ESRRG: variants seen among roughly 807,000 people sequenced by gnomAD.
ESRRG encodes the protein estrogen-related receptor gamma.
Under a neutral mutation model 44.0 loss-of-function variants are expected in ESRRG, and 13 were observed. That is an observed-to-expected ratio of 0.30 (90% CI 0.19 to 0.47). The LOEUF is 0.47. ESRRG is among the 20% of genes least tolerant of loss of function. ESRRG has a pLI of 1.00. For synonymous variants in ESRRG, 215 were observed against 214.6 expected (o/e 1.00, Z -0.02); for missense variants, 395 against 580.6 (o/e 0.68, Z 3.29).
chr1:216,903,526 G>A (rs1331168708), intron 2 of ESRRG, among the ~76,000 whole-genome samples: 1 of 151,922 alleles, frequency 6.6e-6, no homozygotes, highest in Non-Finnish European at 1.5e-5. Context: ...GTTAGAATCT[G>A]ATTGCTCAGC....
chr1:216,715,835 G>A (rs1029746225), intron 1 of ESRRG, among the ~76,000 whole-genome samples: 1 of 151,628 alleles, frequency 6.6e-6, no homozygotes, highest in African/African-American at 2.4e-5. Flanking sequence ...TGAATCCTTT[G>A]TTCAAATTCT....
At chr1:216,872,052 T>C (rs2096266572) in intron 2 of ESRRG, among the ~76,000 whole-genome samples, 1 of 152,160 alleles carries the variant, frequency 6.6e-6, no homozygotes, top group African/African-American at 2.4e-5. Context: ...TTCACCTTCA[T>C]TTCTCAGCAG....
chr1:217,049,056 G>C (rs1306093724), intron 1 of ESRRG, among the ~76,000 whole-genome samples: 1 of 152,030 alleles, frequency 6.6e-6, no homozygotes. Flanking sequence ...TGTCACTCCA[G>C]GGCCCTGGTC....
At chr1:216,826,368 C>T (rs1175863197) in intron 2 of ESRRG, among the ~76,000 whole-genome samples, 8 of 152,072 alleles carry the variant, frequency 5.3e-5, no homozygotes, top group Non-Finnish European at 1.2e-4. Flanking sequence ...ATAATGAGAG[C>T]TGGTACACCT....
At chr1:216,636,191 A>C (rs1051831831) in intron 3 of ESRRG, among the ~76,000 whole-genome samples, 1 of 152,336 alleles carries the variant, frequency 6.6e-6, no homozygotes, top group Admixed American at 6.5e-5. Flanking sequence ...CTAGTATGCT[A>C]TGTGGAATAA....
chr1:216,894,985 T>G (rs1295233783), intron 2 of ESRRG, among the ~76,000 whole-genome samples: 2 of 152,224 alleles, frequency 1.3e-5, no homozygotes, highest in African/African-American at 4.8e-5. Context: ...GTATCTCCAT[T>G]ATAATTCCCT....
chr1:216,712,652 T>A (rs571563670), intron 1 of ESRRG, among the ~76,000 whole-genome samples: 264 of 152,320 alleles, frequency 1.7e-3, no homozygotes, highest in Non-Finnish European at 2.8e-3. Context: ...ATTATAGTGC[T>A]TTCCTCGGGC....
chr1:216,753,081 T>C (rs1225753839), intron 2 of ESRRG, among the ~76,000 whole-genome samples: 1 of 152,004 alleles, frequency 6.6e-6, no homozygotes, highest in African/African-American at 2.4e-5. Context: ...GGAAATAATA[T>C]GTGTGGCTTT....
intron 2 of ESRRG, among the ~76,000 whole-genome samples, chr1:216,669,116 A>G (rs1244372852): frequency 2.0e-5 from 3 of 152,202 alleles, no homozygotes; most frequent in Non-Finnish European, 2.9e-5. Flanking sequence ...AAAAAAACAA[A>G]ACAAAGAGTA....
intron 1 of ESRRG, among the ~76,000 whole-genome samples, chr1:216,986,566 A>G (rs1307820193): frequency 3.3e-5 from 5 of 151,838 alleles, no homozygotes; most frequent in Admixed American, 3.3e-4. Flanking sequence ...AATAATAATA[A>G]TAATACAAAA....
At chr1:216,607,691 A>C (rs2150253362) in intron 3 of ESRRG, among the ~76,000 whole-genome samples, 2 of 152,302 alleles carry the variant, frequency 1.3e-5, no homozygotes. Context: ...CTGAGACCAC[A>C]ACTATTTTAT....
chr1:217,130,267 A>G (rs2092946619), intron 1 of ESRRG, among the ~76,000 whole-genome samples: 1 of 152,138 alleles, frequency 6.6e-6, no homozygotes, highest in African/African-American at 2.4e-5. Context: ...GGGTCTCACT[A>G]TGTTGTGCAG....
At chr1:216,817,151 T>C (rs2148551265) in intron 2 of ESRRG, among the ~76,000 whole-genome samples, 1 of 151,982 alleles carries the variant, frequency 6.6e-6, no homozygotes, top group South Asian at 2.1e-4. Context: ...TAAACACACA[T>C]TCAAATAATG....
intron 2 of ESRRG, among the ~76,000 whole-genome samples, chr1:216,798,527 A>T (rs1426408535): frequency 6.6e-6 from 1 of 152,168 alleles, no homozygotes; most frequent in African/African-American, 2.4e-5. Context: ...AAATCCTGCA[A>T]GCTACTTATG....
At chr1:216,638,553 C>T (rs1498291) in intron 3 of ESRRG, among the ~76,000 whole-genome samples, 3,700 of 152,290 alleles carry the variant, frequency 0.024, 139 homozygotes, top group African/African-American at 0.084. Flanking sequence ...TCTTTATGCT[C>T]TATTTCCCTC....
chr1:216,622,515 C>T (rs2062412154), intron 3 of ESRRG, among the ~76,000 whole-genome samples: 1 of 151,964 alleles, frequency 6.6e-6, no homozygotes, highest in African/African-American at 2.4e-5. Context: ...TTAGAATGGC[C>T]TACACGTTGT....
intron 3 of ESRRG, among the ~76,000 whole-genome samples, chr1:216,606,133 C>A (rs1444016062): frequency 6.6e-6 from 1 of 152,134 alleles, no homozygotes; most frequent in East Asian, 1.9e-4. Flanking sequence ...TCACTGCCCA[C>A]CCCCAACCCC....
chr1:217,115,802 A>T (rs1381328534), intron 1 of ESRRG, among the ~76,000 whole-genome samples: 2 of 152,020 alleles, frequency 1.3e-5, no homozygotes, highest in African/African-American at 4.8e-5. Flanking sequence ...CTTCTTGTCG[A>T]TCTACCTACT....
At chr1:216,841,364 T>G (rs989157099) in intron 2 of ESRRG, among the ~76,000 whole-genome samples, 1 of 151,996 alleles carries the variant, frequency 6.6e-6, no homozygotes, top group Non-Finnish European at 1.5e-5. Flanking sequence ...AGGGCAAACA[T>G]CTAACTTTTA....
Sources: allele counts gnomAD v4.1 joint callset (sites outside exome capture counted in the v4.1 genomes callset), GRCh38; gene constraint gnomAD v4.1.1; transcripts MANE v1.5; gene names NCBI Gene and HGNC (gene_info 2026-07-23, HGNC 2026-07-21).